The following GLT1D1 variants were observed in gnomAD, a reference collection of about 807,000 sequenced individuals.
GLT1D1 encodes the protein glycosyltransferase 1 domain containing 1, also known as glycosyltransferase 1 domain-containing protein 1.
A neutral mutation model predicts 28.7 loss-of-function variants in GLT1D1; 21 were observed. The ratio of observed to expected loss-of-function variants is 0.73; its 90% confidence interval spans 0.52 to 1.05. The LOEUF (loss-of-function observed/expected upper bound fraction) is 1.05, where lower values mean the gene tolerates loss of function less well. Ranked by LOEUF, GLT1D1 falls within the 50% of genes least tolerant of loss-of-function variation. The pLI, the probability that GLT1D1 is intolerant of heterozygous loss-of-function variation, is 0.00. For missense variants in GLT1D1, 343 were observed against 330.6 expected, an observed-to-expected ratio of 1.04 and a Z score of -0.29; for synonymous variants, 147 against 124.8, an observed-to-expected ratio of 1.18 and a Z score of -1.19.
intron 4 of GLT1D1, among the ~76,000 whole-genome samples, chr12:128,899,546 GTTTTT>G (rs34973787): frequency 2.4e-5 from 3 of 124,622 alleles, no homozygotes; most frequent in Non-Finnish European, 3.4e-5. Flanking sequence ...TTTTGTTGCT[GTTTTT>G]TTTTTTTTTT....
At chr12:128,941,233 T>C (rs553946054) in intron 4 of GLT1D1, among the ~76,000 whole-genome samples, 27 of 152,352 alleles carry the variant, frequency 1.8e-4, no homozygotes, top group African/African-American at 6.3e-4. Context: ...CAGCTGATGA[T>C]CAGGTCCTGG....
rs1180186187 is a variant in GLT1D1 at position 128,853,506 on chromosome 12, C to G, written c.-76C>G. Reference sequence around the variant, plus strand: ...GACCCAGCCGCCCCGGCTCCCCCGCCGTCCGCGTCTGCGCCGGCCCCGGGG... The same window carrying G: ...GACCCAGCCGCCCCGGCTCCCCCGCGGTCCGCGTCTGCGCCGGCCCCGGGG... On this transcript the variant is annotated 5_prime_UTR_variant, in exon 1 of 8. Transcript: ENST00000281703. 4 of 991,454 alleles carry G rather than the reference C, an allele frequency of 4.0e-6. No individual in the cohort carries two copies. The Admixed American group carries it at 1.8e-4, about 44-fold the overall frequency. The allele number at this position is 991,454 out of a possible 1,614,324, so 61.4% of individuals were successfully genotyped here.
chr12:128,908,970 T>A (rs1193278895), intron 4 of GLT1D1, among the ~76,000 whole-genome samples: 1 of 151,528 alleles, frequency 6.6e-6, no homozygotes, highest in Non-Finnish European at 1.5e-5. Context: ...AATAAATAAA[T>A]AAATAAAAAA....
At chr12:128,957,300 A>G (rs1172169858) in intron 6 of GLT1D1, among the ~76,000 whole-genome samples, 2 of 152,222 alleles carry the variant, frequency 1.3e-5, no homozygotes, top group African/African-American at 2.4e-5. Context: ...TGCAATAATT[A>G]TGTCAGACAA....
intron 7 of GLT1D1, among the ~76,000 whole-genome samples, chr12:128,982,670 ATGTGTGCGTG>A (rs1880437400): frequency 6.6e-6 from 1 of 151,914 alleles, no homozygotes; most frequent in African/African-American, 2.4e-5. Context: ...ATCCCAGCAT[ATGTGTGCGTG>A]TGTGTGCATG....
At chr12:128,914,824 TAATAAG>T (rs1871938861) in intron 4 of GLT1D1, 103 bp from the exon 6 acceptor site, 2 of 793,382 alleles carry the variant, frequency 2.5e-6, no homozygotes, top group Admixed American at 2.4e-5. Context: ...TGTCTCAAAA[TAATAAG>T]AATAATAGTA....
intron 1 of GLT1D1, among the ~76,000 whole-genome samples, chr12:128,856,230 A>G (rs768211781): frequency 6.6e-5 from 10 of 152,132 alleles, no homozygotes; most frequent in Non-Finnish European, 1.5e-4. Flanking sequence ...TCTCGTTGCC[A>G]TCTTGGTTTT....
intron 4 of GLT1D1, among the ~76,000 whole-genome samples, chr12:128,915,913 AT>A (rs2135893567): frequency 1.3e-5 from 2 of 152,324 alleles, no homozygotes; most frequent in East Asian, 3.9e-4. Flanking sequence ...CAAGTGTAAA[AT>A]TAGGCAAATG....
At chr12:128,944,499 A>G in intron 4 of GLT1D1, 2 of 1,058,200 alleles carry the variant, frequency 1.9e-6, no homozygotes, top group Non-Finnish European at 2.9e-6. Flanking sequence ...CTGTCAGAGC[A>G]TCAATGCCCA....
intron 4 of GLT1D1, among the ~76,000 whole-genome samples, chr12:128,934,289 C>T (rs1466105489): frequency 1.3e-5 from 2 of 151,156 alleles, no homozygotes; most frequent in African/African-American, 4.9e-5. Context: ...CTGCAACCTC[C>T]ACCCCCTGGG....
chr12:128,945,112 T>C, intron 4 of GLT1D1: 1 of 716,538 alleles, frequency 1.4e-6, no homozygotes, highest in Non-Finnish European at 2.5e-6. Context: ...GTGCTTTAGC[T>C]CGAAGTATTG....
At chr12:128,865,550 C>T (rs907973194) in intron 1 of GLT1D1, among the ~76,000 whole-genome samples, 53 of 152,138 alleles carry the variant, frequency 3.5e-4, no homozygotes, top group Admixed American at 1.2e-3. Context: ...AGGCCGGGCC[C>T]GGTGGCTCAC....
At chr12:128,938,866 C>T (rs1173438342) in intron 4 of GLT1D1, among the ~76,000 whole-genome samples, 2 of 152,030 alleles carry the variant, frequency 1.3e-5, no homozygotes, top group African/African-American at 4.8e-5. Context: ...TTTTAAAATT[C>T]TATTCATTGT....
intron 7 of GLT1D1, among the ~76,000 whole-genome samples, chr12:128,972,466 T>C (rs1033430059): frequency 2.0e-5 from 3 of 152,182 alleles, no homozygotes; most frequent in Non-Finnish European, 4.4e-5. Context: ...CTGGGAATTG[T>C]GGCCCGGGAA....
chr12:128,874,103 TCTCTCTCTCTCTCTCTCTCTC>T (rs1956791629), intron 1 of GLT1D1, among the ~76,000 whole-genome samples: 7 of 42,322 alleles, frequency 1.7e-4, no homozygotes, highest in African/African-American at 4.9e-4. Flanking sequence ...TTTCTTTCTC[TCTCTCTCTCTCTCTCTCTCTC>T]TCTTTCTTTC....
chr12:128,934,314 C>T (rs932328579), intron 4 of GLT1D1, among the ~76,000 whole-genome samples: 1 of 150,912 alleles, frequency 6.6e-6, no homozygotes, highest in Non-Finnish European at 1.5e-5. Context: ...AACGATTCTC[C>T]TTCCAAGTAG....
At chr12:128,944,005 T>A (rs1051713422) in intron 4 of GLT1D1, among the ~76,000 whole-genome samples, 1 of 152,218 alleles carries the variant, frequency 6.6e-6, no homozygotes, top group Non-Finnish European at 1.5e-5. Flanking sequence ...TTAATTTTGC[T>A]CCAACAGATG....
chr12:128,879,436 T>TTCTTTCTTTC, intron 2 of GLT1D1, among the ~76,000 whole-genome samples: 1 of 127,428 alleles, frequency 7.8e-6, no homozygotes, highest in African/African-American at 3.3e-5. Context: ...CTTTCTTTCT[T>TTCTTTCTTTC]TCTTTCTTTC....
intron 1 of GLT1D1, among the ~76,000 whole-genome samples, chr12:128,857,248 G>C (rs888877982): frequency 6.6e-6 from 1 of 152,076 alleles, no homozygotes; most frequent in Admixed American, 6.5e-5. Context: ...ACTTTTGAAA[G>C]TGCCTGTCTT....
Sources: allele counts gnomAD v4.1 joint callset (sites outside exome capture counted in the v4.1 genomes callset), GRCh38; gene constraint gnomAD v4.1.1; transcripts MANE v1.5; gene names NCBI Gene and HGNC (gene_info 2026-07-23, HGNC 2026-07-21).